Variants in KCNMB2 observed in about 807,000 individuals in gnomAD.
The protein encoded by KCNMB2 is potassium calcium-activated channel subfamily M regulatory beta subunit 2.
KCNMB2 carries 9 observed loss-of-function variants against 24.5 expected under a neutral mutation model. The observed-to-expected ratio is 0.37, with a 90% confidence interval of 0.22 to 0.64. KCNMB2 has a LOEUF of 0.64. Among genes scored for constraint, KCNMB2 ranks in the 30% least tolerant of loss-of-function variants. The probability of loss-of-function intolerance (pLI) is 0.63; values close to 1 mark genes in which losing one functional copy is unlikely to be tolerated. For synonymous variants in KCNMB2, 109 were observed against 104.4 expected (o/e 1.04, Z -0.27); for missense variants, 226 against 284.3 (o/e 0.79, Z 1.47).
intron 1 of KCNMB2, among the ~76,000 whole-genome samples, chr3:178,658,734 C>T (rs1206373803): frequency 5.9e-5 from 9 of 152,178 alleles, no homozygotes; most frequent in Admixed American, 5.9e-4. Flanking sequence ...CCAGACTCCT[C>T]TAGCTAGTAC....
At chr3:178,601,110 C>G (rs542680647) in intron 1 of KCNMB2, among the ~76,000 whole-genome samples, 12 of 150,846 alleles carry the variant, frequency 8.0e-5, no homozygotes, top group African/African-American at 2.9e-4. Context: ...AACCAGACAC[C>G]GCATGTTCTC....
intron 1 of KCNMB2, among the ~76,000 whole-genome samples, chr3:178,770,348 T>C (rs1198186287): frequency 6.6e-6 from 1 of 152,228 alleles, no homozygotes; most frequent in Admixed American, 6.5e-5. Flanking sequence ...AGATTTAGTT[T>C]CAATGACTTG....
At chr3:178,739,973 C>T (rs995409103) in intron 1 of KCNMB2, among the ~76,000 whole-genome samples, 3 of 152,258 alleles carry the variant, frequency 2.0e-5, no homozygotes, top group African/African-American at 4.8e-5. Context: ...CTCCAGCTGA[C>T]GTGGGAACAC....
chr3:178,551,269 A>G (rs1715944632), intron 1 of KCNMB2, among the ~76,000 whole-genome samples: 1 of 152,204 alleles, frequency 6.6e-6, no homozygotes, highest in South Asian at 2.1e-4. Context: ...TAGATTACAC[A>G]TTGAATTCAC....
intron 1 of KCNMB2, among the ~76,000 whole-genome samples, chr3:178,555,564 T>C (rs1376549584): frequency 6.6e-6 from 1 of 152,236 alleles, no homozygotes; most frequent in East Asian, 1.9e-4. Flanking sequence ...TAGCCGTTGT[T>C]ATAAAAGCAT....
intron 1 of KCNMB2, among the ~76,000 whole-genome samples, chr3:178,609,400 A>G (rs188074917): frequency 6.9e-6 from 1 of 145,522 alleles, no homozygotes; most frequent in East Asian, 2.2e-4. Flanking sequence ...CCCTTGTCTG[A>G]GGTGTTTTTT....
intron 1 of KCNMB2, among the ~76,000 whole-genome samples, chr3:178,785,446 T>C (rs1469908261): frequency 6.6e-6 from 1 of 152,002 alleles, no homozygotes; most frequent in Admixed American, 6.6e-5. Flanking sequence ...ATTAAAAATA[T>C]AGTATTACAA....
At chr3:178,578,378 G>T (rs1227905179) in intron 1 of KCNMB2, among the ~76,000 whole-genome samples, 1 of 152,166 alleles carries the variant, frequency 6.6e-6, no homozygotes, top group Non-Finnish European at 1.5e-5. Flanking sequence ...CCCGAAGGAT[G>T]CACTAAATAT....
chr3:178,721,470 C>T (rs558335967), intron 1 of KCNMB2, among the ~76,000 whole-genome samples: 40 of 152,260 alleles, frequency 2.6e-4, no homozygotes, highest in African/African-American at 9.1e-4. Context: ...TTTATCCATT[C>T]AACCCTTGAA....
chr3:178,784,622 G>T (rs553158282), intron 1 of KCNMB2, among the ~76,000 whole-genome samples: 2 of 152,128 alleles, frequency 1.3e-5, no homozygotes, highest in African/African-American at 2.4e-5. Context: ...TACTTCTCAA[G>T]AGTCTTTCAC....
chr3:178,684,867 T>G (rs1328637691), intron 1 of KCNMB2, among the ~76,000 whole-genome samples: 2 of 152,208 alleles, frequency 1.3e-5, no homozygotes, highest in Admixed American at 1.3e-4. Context: ...TTTGCTTCAT[T>G]ATAGCAACCT....
chr3:178,632,519 T>C (rs143814555), intron 1 of KCNMB2, among the ~76,000 whole-genome samples: 11 of 152,306 alleles, frequency 7.2e-5, no homozygotes, highest in East Asian at 1.9e-4. Flanking sequence ...ATGCCACTTA[T>C]AAAGCCATCA....
chr3:178,667,694 G>A (rs1390574406), intron 1 of KCNMB2, among the ~76,000 whole-genome samples: 1 of 151,314 alleles, frequency 6.6e-6, no homozygotes, highest in East Asian at 2.0e-4. Context: ...TGGATTTCCA[G>A]CCTCTGGAAT....
At chr3:178,802,758 T>C (rs186722389) in intron 1 of KCNMB2, among the ~76,000 whole-genome samples, 1 of 152,266 alleles carries the variant, frequency 6.6e-6, no homozygotes, top group Admixed American at 6.5e-5. Context: ...GGCACTATCT[T>C]TATGTCTTTA....
chr3:178,833,761 TCACA>T (rs1451267123), intron 4 of KCNMB2, among the ~76,000 whole-genome samples: 2 of 152,184 alleles, frequency 1.3e-5, no homozygotes, highest in Non-Finnish European at 2.9e-5. Context: ...TTACCCTCTC[TCACA>T]TAGTTTTTCT....
chr3:178,751,731 C>T (rs998511818), intron 1 of KCNMB2, among the ~76,000 whole-genome samples: 3 of 152,028 alleles, frequency 2.0e-5, no homozygotes, highest in Non-Finnish European at 2.9e-5. Flanking sequence ...AAACTGCACA[C>T]ATGTTTTATT....
At chr3:178,785,390 T>C (rs766594397) in intron 1 of KCNMB2, among the ~76,000 whole-genome samples, 237 of 152,080 alleles carry the variant, frequency 1.6e-3, no homozygotes, top group Non-Finnish European at 1.8e-3. Flanking sequence ...TATTATACAG[T>C]AATAACAATA....
At chr3:178,733,896 A>C (rs76593003) in intron 1 of KCNMB2, among the ~76,000 whole-genome samples, 21,283 of 152,216 alleles carry the variant, frequency 0.14, 1,832 homozygotes, top group Non-Finnish European at 0.18. Flanking sequence ...AGTAAGAAAT[A>C]ATGGTAGCTG....
intron 1 of KCNMB2, among the ~76,000 whole-genome samples, chr3:178,780,053 T>TAAA (rs11406849): frequency 1.0e-3 from 136 of 134,014 alleles, no homozygotes; most frequent in African/African-American, 1.1e-3. Context: ...TTGTTTTTTT[T>TAAA]AAAAAAAAAA....
Sources: gnomAD v4.1 joint callset for allele counts (sites outside exome capture counted in the v4.1 genomes callset) on GRCh38, gnomAD v4.1.1 for gene constraint, MANE v1.5 for transcripts, NCBI Gene and HGNC (gene_info 2026-07-23, HGNC 2026-07-21) for gene names.